Variants in SLC38A1 observed in about 807,000 individuals in gnomAD.
SLC38A1 encodes the protein solute carrier family 38 member 1, also known as sodium-coupled neutral amino acid symporter 1.
Under a neutral mutation model 60.3 loss-of-function variants are expected in SLC38A1, and 18 were observed. That is an observed-to-expected ratio of 0.30 (90% CI 0.21 to 0.44). The LOEUF is 0.44. Among genes scored for constraint, SLC38A1 ranks in the 20% least tolerant of loss-of-function variants. The pLI is 1.00. For missense variants in SLC38A1, 448 were observed against 587.2 expected, an observed-to-expected ratio of 0.76 and a Z score of 2.45; for synonymous variants, 196 against 212.1, an observed-to-expected ratio of 0.92 and a Z score of 0.66.
intron 3 of SLC38A1, among the ~76,000 whole-genome samples, chr12:46,231,666 T>G (rs899832144): frequency 3.3e-5 from 5 of 152,202 alleles, no homozygotes; most frequent in South Asian, 2.1e-4. Context: ...TTTAATAAAC[T>G]TTTTTCTGAG....
intron 13 of SLC38A1, among the ~76,000 whole-genome samples, chr12:46,199,416 T>G (rs1009020485): frequency 6.6e-6 from 1 of 151,734 alleles, no homozygotes; most frequent in Admixed American, 6.6e-5. Context: ...ATAGTGCCAT[T>G]TTGGCTCACT....
At chr12:46,241,182 C>T (rs1340111176) in intron 2 of SLC38A1, among the ~76,000 whole-genome samples, 2 of 152,054 alleles carry the variant, frequency 1.3e-5, no homozygotes, top group Non-Finnish European at 2.9e-5. Flanking sequence ...TTAGCAAATC[C>T]CCTTGGACAA....
chr12:46,193,790 A>G (rs1939249954), intron 16 of SLC38A1, among the ~76,000 whole-genome samples: 1 of 151,638 alleles, frequency 6.6e-6, no homozygotes, highest in Admixed American at 6.6e-5. Context: ...TGCTTGGTAG[A>G]TCTTCCTCCA....
At chr12:46,251,243 G>A (rs1228205024) in intron 1 of SLC38A1, among the ~76,000 whole-genome samples, 1 of 152,170 alleles carries the variant, frequency 6.6e-6, no homozygotes, top group African/African-American at 2.4e-5. Context: ...AAGAAATGGG[G>A]AAAGGATTCA....
chr12:46,229,679 G>A (rs764826058), intron 3 of SLC38A1, 40 bp from the exon 4 acceptor site: 5 of 1,521,922 alleles, frequency 3.3e-6, no homozygotes, highest in Non-Finnish European at 4.6e-6. Context: ...TTATGATAAT[G>A]ATTTGAAGCT....
intron 7 of SLC38A1, 57 bp from the exon 8 acceptor site, chr12:46,207,293 T>C: frequency 4.8e-6 from 7 of 1,454,772 alleles, no homozygotes; most frequent in Non-Finnish European, 6.7e-6. Context: ...TGTTGCAAGC[T>C]ACATAAAAAG....
At position 46,237,713 on chromosome 12, in the gene SLC38A1, A is replaced by G. The variant is rs578122170; in HGVS notation, c.122+1966T>C. ...ATTTTTAGTAAGTGACACTTTTAAA[A>G]ATCAAGTTCAGATTCTAAACTGACT... On this transcript the variant is annotated intron_variant, in intron 3 of 16. Coordinates refer to ENST00000398637, the MANE Select transcript of SLC38A1 (RefSeq NM_030674.4). Among the ~76,000 whole-genome samples the G allele has an allele frequency of 1.3e-4, 20 of 151,994 alleles. 2 individuals carry two copies. The highest frequency in any genetic ancestry group is 4.8e-4 in the African/African-American group (20 of 41,260).
At chr12:46,218,081 T>C (rs1206111406) in intron 5 of SLC38A1, among the ~76,000 whole-genome samples, 1 of 152,214 alleles carries the variant, frequency 6.6e-6, no homozygotes, top group Admixed American at 6.5e-5. Flanking sequence ...TGGTTCTTTG[T>C]AAAAAAGTTA....
intron 5 of SLC38A1, 35 bp from the exon 6 acceptor site, chr12:46,209,162 T>C (rs753801885): frequency 5.9e-6 from 8 of 1,363,916 alleles, no homozygotes; most frequent in Non-Finnish European, 7.3e-6. Flanking sequence ...TTGTAATATC[T>C]AGAAAAGAAT....
At chr12:46,251,007 A>G (rs541915198) in intron 1 of SLC38A1, among the ~76,000 whole-genome samples, 1 of 152,310 alleles carries the variant, frequency 6.6e-6, no homozygotes, top group African/African-American at 2.4e-5. Context: ...TAAAGTTCAT[A>G]TGGAACCAAA....
chr12:46,258,435 C>T (rs569311895), intron 1 of SLC38A1, among the ~76,000 whole-genome samples: 7 of 152,272 alleles, frequency 4.6e-5, no homozygotes, highest in Non-Finnish European at 8.8e-5. Flanking sequence ...CAAGTGCAAA[C>T]TTGAAATTCA....
At chr12:46,216,010 C>G (rs1053936995) in intron 5 of SLC38A1, among the ~76,000 whole-genome samples, 3 of 152,256 alleles carry the variant, frequency 2.0e-5, no homozygotes. Flanking sequence ...GGAACTTAGA[C>G]AAACCATAGG....
At chr12:46,241,120 C>G (rs1052580779) in intron 2 of SLC38A1, among the ~76,000 whole-genome samples, 3 of 151,906 alleles carry the variant, frequency 2.0e-5, no homozygotes, top group Admixed American at 2.0e-4. Flanking sequence ...TGATGGGGAC[C>G]ATGGAATCAA....
In SLC38A1 at chr12:46,186,607, T is replaced by C. The variant is rs1938945319; in HGVS notation, c.*2363A>G. 6.6e-6 allele frequency: 1 copy of C among 152,254 alleles called. No individual in the cohort carries two copies. The highest frequency in any genetic ancestry group is 1.5e-5 in the Non-Finnish European group (1 of 68,048). 9.4% of individuals were successfully genotyped at this position (152,254 alleles called of 1,614,324 possible). ...TGACGAATTATGGTAGGGTCTATTATATTCAGTCAACAACAAATTTAGAGA... is the reference window on the plus strand; with the variant it reads ...TGACGAATTATGGTAGGGTCTATTACATTCAGTCAACAACAAATTTAGAGA... On this transcript the variant is annotated 3_prime_UTR_variant, in exon 17 of 17. Transcript: ENST00000398637.
At chr12:46,216,609 G>A (rs1282478100) in intron 5 of SLC38A1, among the ~76,000 whole-genome samples, 1 of 152,184 alleles carries the variant, frequency 6.6e-6, no homozygotes, top group Non-Finnish European at 1.5e-5. Flanking sequence ...CCAGCACTTT[G>A]GGAGGCAGAG....
intron 5 of SLC38A1, among the ~76,000 whole-genome samples, chr12:46,226,449 A>C (rs1371267666): frequency 6.6e-6 from 1 of 152,094 alleles, no homozygotes; most frequent in African/African-American, 2.4e-5. Flanking sequence ...AGAGGGGAAA[A>C]ATTGAGGACA....
chr12:46,224,306 C>G (rs1193819722), intron 5 of SLC38A1, among the ~76,000 whole-genome samples: 1 of 152,082 alleles, frequency 6.6e-6, no homozygotes, highest in African/African-American at 2.4e-5. Context: ...AGAGTGCCCA[C>G]CAGCATCCTC....
chr12:46,201,152 C>A lies in SLC38A1; in HGVS notation c.949G>T (p.Ala317Ser), dbSNP rs373500724. 6.8e-6 allele frequency: 11 copies of A among 1,612,848 alleles called. No individual in the cohort carries two copies. Among genetic ancestry groups the A allele is most frequent in the South Asian group, 3.3e-5 (3 of 90,856 alleles). ...GTCAAGAAGTACATAACAAACATGG[C>A]GAAAAAGGAGATGTTTGAAACCATC... ...MQMVSNISFFAMFVMYFLTAI... is the reference protein window; with the variant it reads ...MQMVSNISFFSMFVMYFLTAI... Residue 317 changes from alanine (A) to serine (S), a missense_variant, in exon 13 of 17, where the codon GCC becomes TCC. Coordinates refer to ENST00000398637, the MANE Select transcript of SLC38A1 (RefSeq NM_030674.4).
intron 13 of SLC38A1, among the ~76,000 whole-genome samples, chr12:46,199,307 TTGTGTGTGTGTGTGTG>T (rs71067986): frequency 8.5e-4 from 106 of 125,338 alleles, no homozygotes; most frequent in Middle Eastern, 4.1e-3. Context: ...ATGTACTACT[TTGTGTGTGTGTGTGTG>T]TGTGTGTGTG....
Sources: allele counts gnomAD v4.1 joint callset (sites outside exome capture counted in the v4.1 genomes callset), GRCh38; gene constraint gnomAD v4.1.1; transcripts MANE v1.5; gene names NCBI Gene and HGNC (gene_info 2026-07-23, HGNC 2026-07-21).